The following SSX2IP variants were observed in gnomAD, a reference collection of about 807,000 sequenced individuals.
SSX2IP encodes the protein afadin- and alpha-actinin-binding protein.
Under a neutral mutation model 84.9 loss-of-function variants are expected in SSX2IP, and 55 were observed. The ratio of observed to expected loss-of-function variants is 0.65; its 90% CI spans 0.52 to 0.81. The LOEUF (loss-of-function observed/expected upper bound fraction) is 0.81. SSX2IP is among the 30% of genes least tolerant of loss of function. SSX2IP has a pLI of 0.00. For missense variants in SSX2IP, 664 were observed against 705.2 expected, an observed-to-expected ratio of 0.94 and a Z score of 0.66; for synonymous variants, 239 against 234.7, an observed-to-expected ratio of 1.02 and a Z score of -0.17.
chr1:84,671,451 G>T, intron 1 of SSX2IP, 143 bp from the exon 2 acceptor site: 1 of 531,698 alleles, frequency 1.9e-6, no homozygotes, highest in Non-Finnish European at 3.0e-6. Flanking sequence ...ATAGAACATG[G>T]TGTGTGTATA....
chr1:84,681,004 CATAAA>C (rs947091684), intron 1 of SSX2IP, among the ~76,000 whole-genome samples: 8 of 150,896 alleles, frequency 5.3e-5, no homozygotes, highest in Admixed American at 2.0e-4. Flanking sequence ...ATAAAAAATG[CATAAA>C]ATAAAACAGC....
At chr1:84,662,955 A>T (rs762762923) in intron 6 of SSX2IP, among the ~76,000 whole-genome samples, 2 of 152,158 alleles carry the variant, frequency 1.3e-5, no homozygotes, top group African/African-American at 2.4e-5. Context: ...GCTTTATGGG[A>T]ACACAGCCAC....
intron 11 of SSX2IP, 165 bp from the exon 12 acceptor site, chr1:84,652,162 C>T: frequency 3.5e-6 from 2 of 564,708 alleles, no homozygotes; most frequent in South Asian, 2.3e-5. Flanking sequence ...CAGCACTCGT[C>T]TGTAATCCCA....
rs1354220944 is a variant in SSX2IP at position 84,690,367 on chromosome 1, T to G, written c.-90+4A>C. On this transcript the variant is annotated splice_donor_region_variant and intron_variant, in intron 1 of 13. Coordinates refer to ENST00000342203, the MANE Select transcript of SSX2IP (RefSeq NM_001166293.2). Reference sequence around the variant, plus strand: ...AATCCCCGACGCGAGGCGCTGCTGCTCACCGTCACGGCCCCCGGGAGCGGC... The same window carrying G: ...AATCCCCGACGCGAGGCGCTGCTGCGCACCGTCACGGCCCCCGGGAGCGGC... 6.9e-6 allele frequency: 1 copy of G among 144,600 alleles called. No homozygotes were observed. The highest frequency in any genetic ancestry group is 2.2e-4 in the East Asian group (1 of 4,512). The allele number at this position is 144,600 out of a possible 1,614,324, so 9.0% of individuals were successfully genotyped here. A position where few individuals can be genotyped will look rare whatever the true frequency, so the allele number is the denominator to read the frequency against.
At chr1:84,688,130 C>T (rs1656045622) in intron 1 of SSX2IP, among the ~76,000 whole-genome samples, 1 of 152,182 alleles carries the variant, frequency 6.6e-6, no homozygotes, top group Admixed American at 6.5e-5. Context: ...AAGAATAATT[C>T]AGTAAATCTG....
At position 84,664,877 on chromosome 1, in the gene SSX2IP, C is replaced by T. The variant is rs111552885; in HGVS notation, c.538-325G>A. 1.8e-3 allele frequency among the ~76,000 whole-genome samples: 278 copies of T among 152,224 alleles called. 2 individuals carry two copies. The highest frequency in any genetic ancestry group is 6.3e-3 in the African/African-American group (261 of 41,548). On this transcript the variant is annotated intron_variant, in intron 5 of 13. Coordinates refer to ENST00000342203, the MANE Select transcript of SSX2IP (RefSeq NM_001166293.2). The stretch of plus-strand genomic sequence containing the variant: ...CTGAGATAAACAGAATTCATCTGAT[C>T]ATTTTTAGTGAACTCCTTGTATTAC...
In SSX2IP at chr1:84,644,066, A is replaced by G. The variant is rs1042018096; in HGVS notation, c.*3367T>C. The G allele has an allele frequency of 6.6e-6, 1 of 152,234 alleles. No individual in the cohort carries two copies. The highest frequency in any genetic ancestry group is 2.4e-5 in the African/African-American group (1 of 41,474). The allele number at this position is 152,234 out of a possible 1,614,324, so 9.4% of individuals were successfully genotyped here. On this transcript the variant is annotated 3_prime_UTR_variant, in exon 14 of 14. Transcript: ENST00000342203. Reference sequence around the variant, plus strand: ...TTTGGGAATGCTTTTTCTACTAGATAATAATACACGCTCTTGAGGAGAGAA... The same window carrying G: ...TTTGGGAATGCTTTTTCTACTAGATGATAATACACGCTCTTGAGGAGAGAA...
chr1:84,664,388 C>T, intron 6 of SSX2IP, 29 bp downstream of exon 6: 1 of 1,553,704 alleles, frequency 6.4e-7, no homozygotes, highest in South Asian at 1.2e-5. Flanking sequence ...CTTATTTATT[C>T]TCTTAGCTGA....
chr1:84,679,840 G>T (rs908088997), intron 1 of SSX2IP, among the ~76,000 whole-genome samples: 6 of 152,084 alleles, frequency 3.9e-5, no homozygotes, highest in Admixed American at 1.3e-4. Flanking sequence ...TTACAGGTAA[G>T]GAAATTGAGG....
chr1:84,654,367 T>A (rs895645975), intron 11 of SSX2IP, among the ~76,000 whole-genome samples: 1 of 152,030 alleles, frequency 6.6e-6, no homozygotes, highest in African/African-American at 2.4e-5. Flanking sequence ...AGAAATGGAA[T>A]AATTCAAAGT....
intron 1 of SSX2IP, among the ~76,000 whole-genome samples, chr1:84,689,233 T>C (rs1442786968): frequency 1.3e-5 from 2 of 152,198 alleles, no homozygotes; most frequent in African/African-American, 4.8e-5. Flanking sequence ...TTCTAATTCT[T>C]TACAAATTTT....
intron 1 of SSX2IP, among the ~76,000 whole-genome samples, chr1:84,674,700 C>T (rs1360976470): frequency 1.3e-5 from 2 of 152,086 alleles, no homozygotes; most frequent in Non-Finnish European, 2.9e-5. Flanking sequence ...TGTTCCCTGC[C>T]CTATTAATAC....
intron 13 of SSX2IP, among the ~76,000 whole-genome samples, chr1:84,648,793 T>A (rs1649807545): frequency 6.6e-6 from 1 of 152,212 alleles, no homozygotes; most frequent in South Asian, 2.1e-4. Context: ...TATCTTTTGA[T>A]TGTAAAATAA....
chr1:84,651,919 A>G lies in SSX2IP; in HGVS notation c.1468T>C (p.Ser490Pro). 1 of 1,613,742 alleles carries G rather than the reference A, an allele frequency of 6.2e-7. No individual in the cohort carries two copies. The highest frequency in any genetic ancestry group is 8.5e-7 in the Non-Finnish European group (1 of 1,179,724). ...GCACTGAAAAGTTTCACATTTTCTG[A>G]GTTCTGGTGGTCAAAGGTAGTCATA... ...LNMTTFDHQN[S>P]ENVKLFSAFS... The change falls in exon 12 of 14, where the codon TCA (serine) becomes CCA (proline). Residue 490 changes from serine to proline, a missense_variant. Coordinates refer to ENST00000342203, the MANE Select transcript of SSX2IP (RefSeq NM_001166293.2).
chr1:84,658,219 C>T, intron 9 of SSX2IP, 99 bp downstream of exon 9: 2 of 1,351,274 alleles, frequency 1.5e-6, no homozygotes, highest in Non-Finnish European at 1.0e-6. Flanking sequence ...AAGTATAGTA[C>T]TTTAGCTCTG....
rs1403434086 is a variant in SSX2IP at position 84,647,344 on chromosome 1, A to G, written c.*89T>C. 3 of 1,150,222 alleles carry G rather than the reference A, an allele frequency of 2.6e-6. No homozygotes were observed. In the Admixed American group the frequency reaches 7.8e-5, roughly 30 times the overall value. The allele number at this position is 1,150,222 out of a possible 1,614,324, so 71.3% of individuals were successfully genotyped here. On this transcript the variant is annotated 3_prime_UTR_variant, in exon 14 of 14. Transcript: ENST00000342203. ...ACAACTCAGACCATCTTAAGTTATTAGAGATAACTGACTTTATGACACACC... is the reference window on the plus strand; with the variant it reads ...ACAACTCAGACCATCTTAAGTTATTGGAGATAACTGACTTTATGACACACC...
intron 11 of SSX2IP, 46 bp from the exon 12 acceptor site, chr1:84,652,043 A>T (rs1557467103): frequency 7.2e-7 from 1 of 1,391,650 alleles, no homozygotes; most frequent in Admixed American, 1.7e-5. Flanking sequence ...TTCAACATCC[A>T]CACAGTTGCC....
At chr1:84,668,005 T>C (rs928569174) in intron 4 of SSX2IP, among the ~76,000 whole-genome samples, 1 of 152,144 alleles carries the variant, frequency 6.6e-6, no homozygotes, top group Admixed American at 6.6e-5. Context: ...GTTCAACAAG[T>C]TGGATTAATC....
chr1:84,665,837 G>A (rs1270055814), intron 5 of SSX2IP, among the ~76,000 whole-genome samples: 2 of 152,162 alleles, frequency 1.3e-5, no homozygotes, highest in African/African-American at 4.8e-5. Flanking sequence ...CTAAGAAAAA[G>A]TGACAGTGAA....
Sources: allele counts gnomAD v4.1 joint callset (sites outside exome capture counted in the v4.1 genomes callset), GRCh38; gene constraint gnomAD v4.1.1; transcripts MANE v1.5; gene names NCBI Gene and HGNC (gene_info 2026-07-23, HGNC 2026-07-21).